Variants in GPC6 observed in about 807,000 individuals in gnomAD.
GPC6 encodes glypican 6, also known as glypican-6.
Under a neutral mutation model 55.2 loss-of-function variants are expected in GPC6, and 14 were observed. That is an observed-to-expected ratio of 0.25 (90% CI 0.17 to 0.40). The LOEUF (loss-of-function observed/expected upper bound fraction) is 0.40. GPC6 is among the 10% of genes least tolerant of loss of function. GPC6 has a pLI of 1.00. For synonymous variants in GPC6, 278 were observed against 259.6 expected, an observed-to-expected ratio of 1.07 and a Z score of -0.68; for missense variants, 641 against 708.5, an observed-to-expected ratio of 0.90 and a Z score of 1.08.
chr13:93,789,538 C>G (rs1286455495), intron 2 of GPC6, among the ~76,000 whole-genome samples: 2 of 102,278 alleles, frequency 2.0e-5, no homozygotes, highest in African/African-American at 7.9e-5. Flanking sequence ...TATATATAGT[C>G]AGTTAATATA....
At chr13:93,647,437 G>A (rs1566467000) in intron 2 of GPC6, among the ~76,000 whole-genome samples, 2 of 152,138 alleles carry the variant, frequency 1.3e-5, no homozygotes, top group African/African-American at 2.4e-5. Flanking sequence ...TGGAAAGTGA[G>A]AAATATAAAA....
intron 2 of GPC6, among the ~76,000 whole-genome samples, chr13:93,788,759 G>A (rs1389385231): frequency 6.6e-6 from 1 of 152,078 alleles, no homozygotes; most frequent in African/African-American, 2.4e-5. Flanking sequence ...AGGGTTTTGT[G>A]TACTGTGTTA....
At chr13:93,694,099 G>T (rs141119586) in intron 2 of GPC6, among the ~76,000 whole-genome samples, 106 of 152,204 alleles carry the variant, frequency 7.0e-4, no homozygotes, top group African/African-American at 2.4e-3. Flanking sequence ...CAACACATCT[G>T]ATTTTTCCAA....
At chr13:93,717,592 G>A (rs1213786740) in intron 2 of GPC6, among the ~76,000 whole-genome samples, 1 of 151,490 alleles carries the variant, frequency 6.6e-6, no homozygotes, top group Admixed American at 6.6e-5. Context: ...TCAGTTTATG[G>A]AAAACAACTA....
intron 1 of GPC6, among the ~76,000 whole-genome samples, chr13:93,544,837 C>A (rs1454250429): frequency 2.0e-5 from 3 of 152,106 alleles, no homozygotes; most frequent in African/African-American, 7.2e-5. Context: ...AGAAAGAGAA[C>A]CCAAGGGACA....
At chr13:93,735,147 A>G (rs1883952559) in intron 2 of GPC6, among the ~76,000 whole-genome samples, 1 of 152,174 alleles carries the variant, frequency 6.6e-6, no homozygotes, top group South Asian at 2.1e-4. Context: ...TATAAAGGAA[A>G]AACAAGGAGC....
chr13:94,126,767 T>A (rs886886332), intron 4 of GPC6, among the ~76,000 whole-genome samples: 4 of 152,200 alleles, frequency 2.6e-5, no homozygotes, highest in African/African-American at 9.6e-5. Flanking sequence ...TGTATATTGA[T>A]AACATAAGAA....
chr13:94,196,728 G>A (rs544456191), intron 4 of GPC6, among the ~76,000 whole-genome samples: 4 of 152,224 alleles, frequency 2.6e-5, no homozygotes, highest in East Asian at 1.9e-4. Flanking sequence ...CCCATAAGGC[G>A]TTTCTTAAAC....
At chr13:93,544,373 T>G (rs1172865278) in intron 1 of GPC6, among the ~76,000 whole-genome samples, 1 of 152,154 alleles carries the variant, frequency 6.6e-6, no homozygotes, top group Non-Finnish European at 1.5e-5. Context: ...TCATTTGTTT[T>G]CAGTGTCCTA....
intron 4 of GPC6, among the ~76,000 whole-genome samples, chr13:94,069,020 G>A (rs1320261559): frequency 1.3e-5 from 2 of 152,172 alleles, no homozygotes; most frequent in Non-Finnish European, 2.9e-5. Flanking sequence ...TCTGTGTGGG[G>A]GCTCCAAACC....
chr13:93,878,376 C>T (rs1438251639), intron 3 of GPC6, among the ~76,000 whole-genome samples: 2 of 152,012 alleles, frequency 1.3e-5, no homozygotes, highest in African/African-American at 2.4e-5. Context: ...TTCATTCCCT[C>T]TTACCTTTCA....
chr13:93,659,194 A>C (rs1443282463), intron 2 of GPC6, among the ~76,000 whole-genome samples: 1 of 151,842 alleles, frequency 6.6e-6, no homozygotes, highest in African/African-American at 2.4e-5. Flanking sequence ...TAATATCTGT[A>C]GGGTCTGTAA....
chr13:93,673,506 T>C (rs577748756), intron 2 of GPC6, among the ~76,000 whole-genome samples: 10 of 152,028 alleles, frequency 6.6e-5, no homozygotes, highest in Non-Finnish European at 1.3e-4. Flanking sequence ...AGAGTATATA[T>C]ATATGGCTTT....
chr13:93,233,902 T>C (rs1876144516), intron 1 of GPC6, among the ~76,000 whole-genome samples: 1 of 152,186 alleles, frequency 6.6e-6, no homozygotes, highest in African/African-American at 2.4e-5. Context: ...CCGTAAGTTG[T>C]TCCCTTTTTC....
At chr13:94,015,703 AT>A (rs1290513485) in intron 3 of GPC6, among the ~76,000 whole-genome samples, 2 of 152,122 alleles carry the variant, frequency 1.3e-5, no homozygotes, top group African/African-American at 2.4e-5. Flanking sequence ...TTCCAGCTGC[AT>A]TTTTTTGCAT....
At chr13:93,319,468 A>T (rs1879356154) in intron 1 of GPC6, among the ~76,000 whole-genome samples, 1 of 152,158 alleles carries the variant, frequency 6.6e-6, no homozygotes, top group South Asian at 2.1e-4. Flanking sequence ...CATCCACAAA[A>T]CAGAATGTGA....
At chr13:93,584,739 A>C (rs545214789) in intron 2 of GPC6, among the ~76,000 whole-genome samples, 1 of 122,394 alleles carries the variant, frequency 8.2e-6, no homozygotes, top group East Asian at 2.6e-4. Flanking sequence ...CCCAGGCTGG[A>C]GTGCATTAGT....
At chr13:94,317,470 T>C (rs1876599546) in intron 6 of GPC6, among the ~76,000 whole-genome samples, 1 of 152,214 alleles carries the variant, frequency 6.6e-6, no homozygotes, top group African/African-American at 2.4e-5. Context: ...ACTGCCCTAA[T>C]TGATCTACTC....
intron 4 of GPC6, among the ~76,000 whole-genome samples, chr13:94,063,087 T>C (rs1359521157): frequency 1.3e-5 from 2 of 152,212 alleles, no homozygotes; most frequent in South Asian, 2.1e-4. Context: ...AGTGGTGTAA[T>C]TGGTCACTCC....
Sources: allele counts gnomAD v4.1 joint callset (sites outside exome capture counted in the v4.1 genomes callset), GRCh38; gene constraint gnomAD v4.1.1; transcripts MANE v1.5; gene names NCBI Gene and HGNC (gene_info 2026-07-23, HGNC 2026-07-21).